ZNF254: variants seen among roughly 807,000 people sequenced by gnomAD.
ZNF254 encodes zinc finger protein 254.
In ZNF254, 10 loss-of-function variants were observed where a neutral mutation model predicts 12.4. The ratio of observed to expected loss-of-function variants is 0.80; its 90% CI spans 0.50 to 1.36. ZNF254 has a LOEUF of 1.36. Among genes scored for constraint, ZNF254 ranks in the 40% most tolerant of loss-of-function variants. ZNF254 has a pLI of 0.00. For missense variants in ZNF254, 996 were observed against 763.9 expected (o/e 1.30, Z -3.58); for synonymous variants, 305 against 253.4 (o/e 1.20, Z -1.93).
intron 1 of ZNF254, among the ~76,000 whole-genome samples, chr19:24,041,290 C>T (rs1028799678): frequency 6.6e-6 from 1 of 152,224 alleles, no homozygotes; most frequent in Non-Finnish European, 1.5e-5. Context: ...AGCCCACTCC[C>T]TCAGCTTGCA....
chr19:24,127,261 C>G lies in ZNF254; in HGVS notation c.1261C>G (p.Leu421Val). Residue 421 changes from leucine to valine, a missense_variant, in exon 4 of 4, where the codon CTT (leucine) becomes GTT (valine). Coordinates refer to ENST00000357002, the MANE Select transcript of ZNF254 (RefSeq NM_203282.4). ...CGKGFNRSSN[L>V]TTHKIIHTGE... is the part of the protein sequence containing the mutation. Reference sequence around the variant, plus strand: ...CAAAGGTTTTAATCGATCTTCAAATCTTACTACACATAAGATAATTCATAC... The same window carrying G: ...CAAAGGTTTTAATCGATCTTCAAATGTTACTACACATAAGATAATTCATAC... 6.2e-7 allele frequency: 1 copy of G among 1,613,344 alleles called. No individual in the cohort carries two copies. Among genetic ancestry groups the G allele is most frequent in the Non-Finnish European group, 8.5e-7 (1 of 1,179,704 alleles).
At chr19:24,059,691 AG>A (rs1293497444) in intron 2 of ZNF254, among the ~76,000 whole-genome samples, 1 of 152,120 alleles carries the variant, frequency 6.6e-6, no homozygotes, top group African/African-American at 2.4e-5. Context: ...CTTTGCCTAC[AG>A]GGGTATGATG....
At chr19:24,118,318 C>G (rs963760977) in intron 3 of ZNF254, among the ~76,000 whole-genome samples, 4 of 152,096 alleles carry the variant, frequency 2.6e-5, no homozygotes, top group Non-Finnish European at 5.9e-5. Flanking sequence ...TCCCAAAGTG[C>G]TGGGATTACA....
Position 24,128,976 on chromosome 19 carries a change from A to G in ZNF254, c.*996A>G, listed in dbSNP as rs186419116. On this transcript the variant is annotated 3_prime_UTR_variant, in exon 4 of 4. Coordinates refer to ENST00000357002, the MANE Select transcript of ZNF254 (RefSeq NM_203282.4). ...CTGTTTCATCATTGCTGGTGTATTC[A>G]TATGTGAAAGCATGTGACTAATTGT... 4 of 151,634 alleles carry G rather than the reference A, an allele frequency of 2.6e-5. No homozygotes were observed. Among genetic ancestry groups the G allele is most frequent in the African/African-American group, 4.9e-5 (2 of 41,188 alleles). The allele number at this position is 151,634 out of a possible 1,614,324, so 9.4% of individuals were successfully genotyped here.
chr19:24,127,895 G>C lies in ZNF254; in HGVS notation c.1895G>C (p.Trp632Ser), dbSNP rs150048621. The change falls in exon 4 of 4, where the codon TGG becomes TCG. Residue 632 changes from tryptophan (W) to serine (S), a missense_variant. By Grantham distance (177) the Trp-to-Ser change is radical (BLOSUM62 -3). Transcript: ENST00000357002. ...RIHTGEQPYKWEKFGKAFNRS... is the reference protein window; with the variant it reads ...RIHTGEQPYKSEKFGKAFNRS... Reference sequence around the variant, plus strand: ...CATACTGGAGAGCAACCCTACAAATGGGAAAAATTTGGCAAAGCCTTTAAT... The same window carrying C: ...CATACTGGAGAGCAACCCTACAAATCGGAAAAATTTGGCAAAGCCTTTAAT... 3.5e-4 allele frequency: 558 copies of C among 1,612,016 alleles called. 4 individuals are homozygous for C. The highest frequency in any genetic ancestry group is 3.4e-3 in the Admixed American group (201 of 59,596).
chr19:24,056,339 C>A (rs1970853251), intron 2 of ZNF254, among the ~76,000 whole-genome samples: 1 of 152,070 alleles, frequency 6.6e-6, no homozygotes, highest in Non-Finnish European at 1.5e-5. Context: ...CATTCATTAC[C>A]CAGGTGTTAT....
chr19:24,070,942 A>G (rs1971458091), intron 2 of ZNF254, among the ~76,000 whole-genome samples: 1 of 152,170 alleles, frequency 6.6e-6, no homozygotes, highest in Non-Finnish European at 1.5e-5. Flanking sequence ...CACCCAGGTA[A>G]TATGAATCTC....
In ZNF254 at chr19:24,127,127, A is replaced by G. The variant is rs755946496; in HGVS notation, c.1127A>G (p.Lys376Arg). 23 of 1,613,500 alleles carry G rather than the reference A, an allele frequency of 1.4e-5. No homozygotes were observed. The Admixed American group carries it at 2.3e-4, about 16-fold the overall frequency. ...TTHKIIHTGE[K>R]RYKCLECGKA... ...CATAAGATAATTCATACTGGAGAGA[A>G]ACGCTACAAATGCTTAGAATGTGGC... Residue 376 changes from lysine (K) to arginine (R), a missense_variant, in exon 4 of 4, where the codon AAA becomes AGA. By Grantham distance (26) the Lys-to-Arg change is conservative. Coordinates refer to ENST00000357002, the MANE Select transcript of ZNF254 (RefSeq NM_203282.4).
chr19:24,041,637 G>A (rs892316618), intron 1 of ZNF254, among the ~76,000 whole-genome samples: 4 of 152,196 alleles, frequency 2.6e-5, no homozygotes, highest in African/African-American at 7.2e-5. Flanking sequence ...CCTCCCCGAC[G>A]AGCACCACCC....
intron 3 of ZNF254, among the ~76,000 whole-genome samples, chr19:24,125,842 GA>G (rs1974796414): frequency 1.3e-5 from 2 of 152,082 alleles, no homozygotes; most frequent in African/African-American, 4.8e-5. Context: ...CCAGTGTCAG[GA>G]AAAAACCCTA....
chr19:24,101,961 A>G (rs1258092426), intron 1 of ZNF254, among the ~76,000 whole-genome samples: 1 of 152,220 alleles, frequency 6.6e-6, no homozygotes, highest in Non-Finnish European at 1.5e-5. Context: ...TACTTGGGTA[A>G]AAACAAGGAG....
chr19:24,099,370 G>A (rs182190686), intron 1 of ZNF254, among the ~76,000 whole-genome samples: 15 of 152,164 alleles, frequency 9.9e-5, no homozygotes, highest in Admixed American at 9.2e-4. Context: ...TAAGATGTGA[G>A]CTGCCAGCTG....
Position 24,128,853 on chromosome 19 carries a change from A to G in ZNF254, c.*873A>G, listed in dbSNP as rs1810074859. ...ATTTGTATATAACTTTAAAAATAGA[A>G]TATTTTTTGGAGGGTTATAATTACA... On this transcript the variant is annotated 3_prime_UTR_variant, in exon 4 of 4. Coordinates refer to ENST00000357002, the MANE Select transcript of ZNF254 (RefSeq NM_203282.4). 1 of 152,004 alleles carries G rather than the reference A, an allele frequency of 6.6e-6. No individual in the cohort carries two copies. The highest frequency in any genetic ancestry group is 1.5e-5 in the Non-Finnish European group (1 of 67,914). The allele number at this position is 152,004 out of a possible 1,614,324, so 9.4% of individuals were successfully genotyped here. A position where few individuals can be genotyped will look rare whatever the true frequency, so the allele number is the denominator to read the frequency against.
intron 2 of ZNF254, among the ~76,000 whole-genome samples, chr19:24,081,652 T>A (rs895823435): frequency 1.3e-5 from 2 of 152,096 alleles, no homozygotes; most frequent in Non-Finnish European, 2.9e-5. Context: ...CCTCCTTTAG[T>A]AAGGCCTGTT....
intron 1 of ZNF254, among the ~76,000 whole-genome samples, chr19:24,101,433 A>G (rs1017234066): frequency 6.6e-6 from 1 of 152,142 alleles, no homozygotes; most frequent in Non-Finnish European, 1.5e-5. Flanking sequence ...ACCTTTTCAC[A>G]TCTTGTGTTT....
chr19:24,121,134 G>A (rs1025820036), intron 3 of ZNF254, among the ~76,000 whole-genome samples: 1 of 151,998 alleles, frequency 6.6e-6, no homozygotes, highest in African/African-American at 2.4e-5. Context: ...TTTTTAAAGG[G>A]AAATAAATTT....
chr19:24,106,912 C>A (rs1293199667), intron 3 of ZNF254: 5 of 406,784 alleles, frequency 1.2e-5, no homozygotes, highest in African/African-American at 1.0e-4. Flanking sequence ...AGTGTACAAT[C>A]TGACTTCTTT....
In ZNF254 at chr19:24,128,209, C is replaced by T; in HGVS notation, c.*229C>T. 2.2e-6 allele frequency: 1 copy of T among 457,270 alleles called. No homozygotes were observed. Among genetic ancestry groups the T allele is most frequent in the Non-Finnish European group, 3.7e-6 (1 of 269,424 alleles). The allele number at this position is 457,270 out of a possible 1,614,324, so 28.3% of individuals were successfully genotyped here. The stretch of plus-strand genomic sequence containing the variant: ...AGATAATTCATACTGGAGAAAACTA[C>T]CAGTGTGAACAACGTGGCCAAGCTT... On this transcript the variant is annotated 3_prime_UTR_variant, in exon 4 of 4. Coordinates refer to ENST00000357002, the MANE Select transcript of ZNF254 (RefSeq NM_203282.4).
intron 2 of ZNF254, among the ~76,000 whole-genome samples, chr19:24,067,154 C>T (rs1251339409): frequency 6.6e-6 from 1 of 152,018 alleles, no homozygotes; most frequent in Non-Finnish European, 1.5e-5. Context: ...TGACATATTG[C>T]TGGGCCCTAC....
Sources: gnomAD v4.1 joint callset for allele counts (sites outside exome capture counted in the v4.1 genomes callset) on GRCh38, gnomAD v4.1.1 for gene constraint, MANE v1.5 for transcripts, NCBI Gene and HGNC (gene_info 2026-07-23, HGNC 2026-07-21) for gene names.